The following ELMO1 variants were observed in gnomAD, a reference collection of about 807,000 sequenced individuals.
ELMO1 encodes engulfment and cell motility protein 1.
Under a neutral mutation model 98.9 loss-of-function variants are expected in ELMO1, and 26 were observed. The observed-to-expected ratio is 0.26, with a 90% CI of 0.19 to 0.36. The LOEUF is 0.36. Ranked by LOEUF, ELMO1 falls within the 10% of genes least tolerant of loss-of-function variation. ELMO1 has a pLI of 1.00. For missense variants in ELMO1, 627 were observed against 935.2 expected (o/e 0.67, Z 4.30); for synonymous variants, 346 against 346.0 (o/e 1.00, Z 0.00).
chr7:36,910,310 C>T (rs1270105106), intron 16 of ELMO1, among the ~76,000 whole-genome samples: 2 of 152,202 alleles, frequency 1.3e-5, no homozygotes, highest in South Asian at 2.1e-4. Context: ...GTCTGCTTTG[C>T]AGGCACTGGT....
intron 15 of ELMO1, among the ~76,000 whole-genome samples, chr7:37,029,299 A>C (rs1371785695): frequency 6.6e-6 from 1 of 152,158 alleles, no homozygotes; most frequent in African/African-American, 2.4e-5. Flanking sequence ...GATCACATAC[A>C]TATCAAAGAT....
At chr7:37,261,854 G>T (rs1562563744) in intron 5 of ELMO1, among the ~76,000 whole-genome samples, 1 of 152,090 alleles carries the variant, frequency 6.6e-6, no homozygotes, top group African/African-American at 2.4e-5. Flanking sequence ...AGCCTGCCTC[G>T]GCCTCCCAAA....
intron 16 of ELMO1, among the ~76,000 whole-genome samples, chr7:36,969,784 A>G (rs1367132649): frequency 6.6e-6 from 1 of 152,220 alleles, no homozygotes; most frequent in Non-Finnish European, 1.5e-5. Flanking sequence ...GATGAAAATC[A>G]CTGCTTTAAA....
At chr7:37,187,887 C>A (rs1212607390) in intron 13 of ELMO1, among the ~76,000 whole-genome samples, 1 of 152,170 alleles carries the variant, frequency 6.6e-6, no homozygotes, top group Non-Finnish European at 1.5e-5. Flanking sequence ...AGGGAACTCC[C>A]TGAATATCCC....
chr7:37,193,234 G>GA (rs1416200053), intron 13 of ELMO1, among the ~76,000 whole-genome samples: 2 of 151,812 alleles, frequency 1.3e-5, no homozygotes, highest in African/African-American at 4.8e-5. Context: ...TTCTTGGTGA[G>GA]GGGGGAGGCT....
At chr7:37,167,369 G>C (rs975051574) in intron 13 of ELMO1, among the ~76,000 whole-genome samples, 11 of 151,994 alleles carry the variant, frequency 7.2e-5, no homozygotes, top group African/African-American at 2.7e-4. Flanking sequence ...GTGTGAATTT[G>C]ATCCTGTCAT....
chr7:37,008,207 TA>T (rs1793281343), intron 16 of ELMO1, among the ~76,000 whole-genome samples: 1 of 152,248 alleles, frequency 6.6e-6, no homozygotes, highest in Non-Finnish European at 1.5e-5. Flanking sequence ...TGATGGTTTA[TA>T]AAAGCGTCAA....
intron 1 of ELMO1, among the ~76,000 whole-genome samples, chr7:37,347,079 G>A (rs1367082778): frequency 6.6e-6 from 1 of 152,186 alleles, no homozygotes; most frequent in African/African-American, 2.4e-5. Flanking sequence ...ACGAGAGAAA[G>A]GGAGGGGGGC....
At chr7:36,999,160 C>T (rs577168547) in intron 16 of ELMO1, among the ~76,000 whole-genome samples, 3 of 152,166 alleles carry the variant, frequency 2.0e-5, no homozygotes, top group African/African-American at 7.2e-5. Context: ...AGCCCCGGGT[C>T]ACGCAGGAGG....
At chr7:37,208,650 C>G (rs1036454016) in intron 13 of ELMO1, among the ~76,000 whole-genome samples, 26 of 152,146 alleles carry the variant, frequency 1.7e-4, no homozygotes, top group African/African-American at 6.0e-4. Context: ...TTTGCAAGAC[C>G]GTCTCTAGGT....
intron 14 of ELMO1, among the ~76,000 whole-genome samples, chr7:37,131,719 A>G (rs1056655685): frequency 6.6e-6 from 1 of 152,198 alleles, no homozygotes; most frequent in South Asian, 2.1e-4. Flanking sequence ...TTTATGGAAA[A>G]ACAATTTTCT....
At chr7:37,171,913 C>A (rs2129827244) in intron 13 of ELMO1, among the ~76,000 whole-genome samples, 1 of 152,320 alleles carries the variant, frequency 6.6e-6, no homozygotes, top group African/African-American at 2.4e-5. Context: ...TAAAAATCAA[C>A]AAAATTCACC....
rs1274498169 is a variant in ELMO1, at chr7:37,315,919, C to T, written c.119+1G>A. On this transcript the variant is annotated splice_donor_variant, in intron 3 of 21. Transcript: ENST00000310758. LOFTEE classifies it high-confidence loss of function. The stretch of plus-strand genomic sequence containing the variant: ...TTAGATAAATCCTGAGTAACACTTA[C>T]CCATCACAGACTTCCTTTATTATTG... 1.2e-6 allele frequency: 2 copies of T among 1,601,438 alleles called. No homozygotes were observed. Among genetic ancestry groups the T allele is most frequent in the Non-Finnish European group, 8.5e-7 (1 of 1,176,414 alleles).
intron 1 of ELMO1, among the ~76,000 whole-genome samples, chr7:37,439,601 G>A (rs1805308506): frequency 6.6e-6 from 1 of 152,190 alleles, no homozygotes; most frequent in Admixed American, 6.5e-5. Flanking sequence ...AGGGCTATAA[G>A]CCCAGCAATA....
rs1795866696 is a variant in ELMO1, at chr7:37,259,404, A to G, written c.244-54T>C. On this transcript the variant is annotated intron_variant, in intron 5 of 21. Coordinates refer to ENST00000310758, the MANE Select transcript of ELMO1 (RefSeq NM_014800.11). ...GTTGACAAACGAAACCACAACAGCAAAACAGATTTATGTTTCAATGAGGAA... is the reference window on the plus strand; with the variant it reads ...GTTGACAAACGAAACCACAACAGCAGAACAGATTTATGTTTCAATGAGGAA... 2.5e-6 allele frequency: 4 copies of G among 1,575,238 alleles called. No homozygotes were observed. In the African/African-American group the frequency reaches 5.4e-5, roughly 21 times the overall value.
chr7:37,103,152 C>T (rs773426538), intron 14 of ELMO1, among the ~76,000 whole-genome samples: 7 of 152,188 alleles, frequency 4.6e-5, no homozygotes, highest in Non-Finnish European at 7.3e-5. Context: ...ACTGATACTA[C>T]TATCACCATA....
intron 1 of ELMO1, among the ~76,000 whole-genome samples, chr7:37,346,340 CTT>C (rs771497675): frequency 3.9e-5 from 6 of 152,322 alleles, no homozygotes; most frequent in South Asian, 2.1e-4. Flanking sequence ...TTCGCATCCT[CTT>C]TGAGTAATTT....
At chr7:37,264,461 C>T (rs1796144172) in intron 5 of ELMO1, among the ~76,000 whole-genome samples, 1 of 151,974 alleles carries the variant, frequency 6.6e-6, no homozygotes, top group Admixed American at 6.6e-5. Context: ...TGCAGGAAGC[C>T]TTATTTTTTG....
At chr7:36,948,683 T>C (rs1214516997) in intron 16 of ELMO1, among the ~76,000 whole-genome samples, 2 of 152,150 alleles carry the variant, frequency 1.3e-5, no homozygotes, top group Admixed American at 1.3e-4. Flanking sequence ...CTCCTTCCTA[T>C]GAAGAAGGAA....
Sources: gnomAD v4.1 joint callset for allele counts (sites outside exome capture counted in the v4.1 genomes callset) on GRCh38, gnomAD v4.1.1 for gene constraint, MANE v1.5 for transcripts, NCBI Gene and HGNC (gene_info 2026-07-23, HGNC 2026-07-21) for gene names.